The following MALRD1 variants were observed in gnomAD, a reference collection of about 807,000 sequenced individuals.
MALRD1 encodes MAM and LDL receptor class A domain containing 1.
MALRD1 carries 247 observed loss-of-function variants against 242.1 expected under a neutral mutation model. The observed-to-expected ratio is 1.02, with a 90% CI of 0.92 to 1.13. The LOEUF is 1.13. MALRD1 is among the 50% of genes most tolerant of loss of function. The probability of loss-of-function intolerance (pLI) is 0.00; values close to 1 mark genes in which losing one functional copy is unlikely to be tolerated. For synonymous variants in MALRD1, 995 were observed against 866.6 expected, an observed-to-expected ratio of 1.15 and a Z score of -2.60; for missense variants, 2,989 against 2,533.1, an observed-to-expected ratio of 1.18 and a Z score of -3.86.
intron 33 of MALRD1, among the ~76,000 whole-genome samples, chr10:19,578,055 G>A (rs10827611): frequency 0.56 from 84,416 of 151,988 alleles, 23,830 homozygotes; most frequent in African/African-American, 0.67. Context: ...GCTGGAAAGC[G>A]TCCAGACTTT....
chr10:19,115,662 G>A (rs1037073857), intron 5 of MALRD1, among the ~76,000 whole-genome samples: 1 of 151,930 alleles, frequency 6.6e-6, no homozygotes, highest in Non-Finnish European at 1.5e-5. Context: ...TATATCATGA[G>A]GTCAGGAGTT....
chr10:19,549,027 C>A (rs778722841), intron 32 of MALRD1, among the ~76,000 whole-genome samples: 1 of 152,236 alleles, frequency 6.6e-6, no homozygotes, highest in Non-Finnish European at 1.5e-5. Context: ...AGCAAAACAG[C>A]CTTAGTGCTA....
At position 19,196,536 on chromosome 10, in the gene MALRD1, GTTT is replaced by G. The variant is rs34242301; in HGVS notation, c.1952-7178_1952-7176del. Among the ~76,000 whole-genome samples the G allele has an allele frequency of 9.9e-3, 1,382 of 139,410 alleles. 29 individuals carry two copies. The highest frequency in any genetic ancestry group is 0.034 in the African/African-American group (1,271 of 37,180). The allele number at this position is 139,410 out of a possible 152,430, so 91.5% of individuals were successfully genotyped here. On this transcript the variant is annotated intron_variant, in intron 14 of 39. Transcript: ENST00000454679. ...CTCATGGCATGGGGCACCACTCTTT[GTTT>G]TTTTTTTTTTTTTCTCCTATTTTTA... is the stretch of plus-strand genomic sequence containing the variant.
chr10:19,079,806 T>G (rs2813774), intron 2 of MALRD1, among the ~76,000 whole-genome samples: 152,033 of 152,034 alleles, frequency 1, 76,016 homozygotes, highest in Middle Eastern at 1. Flanking sequence ...AGCATATTAG[T>G]CTAGGAAGAG....
At chr10:19,238,676 A>G (rs1181373289) in intron 18 of MALRD1, among the ~76,000 whole-genome samples, 2 of 144,038 alleles carry the variant, frequency 1.4e-5, no homozygotes, top group Non-Finnish European at 3.0e-5. Flanking sequence ...ATAAGAGTGC[A>G]GATATTTTTC....
intron 26 of MALRD1, among the ~76,000 whole-genome samples, chr10:19,354,377 A>T (rs1331370260): frequency 2.0e-5 from 3 of 152,156 alleles, no homozygotes; most frequent in Non-Finnish European, 4.4e-5. Context: ...TAGGAAAAAA[A>T]TGCCTTGAAT....
chr10:19,599,964 C>T (rs2131573961), intron 34 of MALRD1, among the ~76,000 whole-genome samples: 1 of 152,156 alleles, frequency 6.6e-6, no homozygotes, highest in South Asian at 2.1e-4. Flanking sequence ...TTCCAGGGCC[C>T]AGATGGGGAG....
intron 33 of MALRD1, among the ~76,000 whole-genome samples, chr10:19,585,170 T>C (rs1837324950): frequency 6.6e-6 from 1 of 152,234 alleles, no homozygotes; most frequent in South Asian, 2.1e-4. Flanking sequence ...GGGTCTTGGC[T>C]CTTTATCCAA....
chr10:19,501,650 T>C (rs1837976425), intron 31 of MALRD1, among the ~76,000 whole-genome samples: 1 of 152,100 alleles, frequency 6.6e-6, no homozygotes, highest in Admixed American at 6.5e-5. Context: ...GCATGGAGGA[T>C]AGGATAAAAG....
At chr10:19,077,839 T>C (rs937806738) in intron 2 of MALRD1, among the ~76,000 whole-genome samples, 46 of 152,022 alleles carry the variant, frequency 3.0e-4, no homozygotes, top group African/African-American at 1.0e-3. Context: ...TAGTTAAGTC[T>C]TAGTTTTTTC....
intron 36 of MALRD1, among the ~76,000 whole-genome samples, chr10:19,631,475 G>T (rs1769859585): frequency 1.3e-5 from 2 of 152,082 alleles, no homozygotes; most frequent in South Asian, 4.1e-4. Context: ...GTGTCTTTAT[G>T]GTAGGACAAT....
chr10:19,600,538 C>T (rs7898799), intron 34 of MALRD1, among the ~76,000 whole-genome samples: 77,832 of 152,062 alleles, frequency 0.51, 20,041 homozygotes, highest in Non-Finnish European at 0.53. Context: ...TAGGTGTGTG[C>T]GCCCTGAAGG....
At chr10:19,355,624 C>T (rs1564589183) in intron 26 of MALRD1, among the ~76,000 whole-genome samples, 6 of 150,598 alleles carry the variant, frequency 4.0e-5, no homozygotes, top group Admixed American at 2.0e-4. Context: ...AAGCAGATAA[C>T]AAATAAAAAT....
chr10:19,502,830 TAA>T (rs1838036839), intron 31 of MALRD1, among the ~76,000 whole-genome samples: 1 of 152,186 alleles, frequency 6.6e-6, no homozygotes, highest in African/African-American at 2.4e-5. Flanking sequence ...AGAACAAGAT[TAA>T]AGTATAGTCA....
At chr10:19,057,804 T>C (rs1055012060) in intron 1 of MALRD1, among the ~76,000 whole-genome samples, 1 of 152,096 alleles carries the variant, frequency 6.6e-6, no homozygotes, top group East Asian at 1.9e-4. Flanking sequence ...AAATGAGAGA[T>C]AAATAGCTAG....
rs1003530324 is a variant in MALRD1, at chr10:19,209,254, C to A, written c.2579-14C>A. Reference sequence around the variant, plus strand: ...CCCTAATTATCTTTTGCTTTTATTTCATGTGAATTTCAGCACCTGAGCTGC... The same window carrying A: ...CCCTAATTATCTTTTGCTTTTATTTAATGTGAATTTCAGCACCTGAGCTGC... On this transcript the variant is annotated splice_polypyrimidine_tract_variant and intron_variant, in intron 17 of 39. Coordinates refer to ENST00000454679, the MANE Select transcript of MALRD1 (RefSeq NM_001142308.3). The A allele has an allele frequency of 1.3e-6, 2 of 1,490,528 alleles. 1 individual carries two copies. The highest frequency in any genetic ancestry group is 2.7e-5 in the South Asian group (2 of 73,534). 92.3% of individuals were successfully genotyped at this position (1,490,528 alleles called of 1,614,324 possible).
intron 18 of MALRD1, among the ~76,000 whole-genome samples, chr10:19,218,228 A>G (rs1839082942): frequency 6.6e-6 from 1 of 152,198 alleles, no homozygotes; most frequent in Non-Finnish European, 1.5e-5. Context: ...CACATTTAGT[A>G]TCTAATAAAA....
At chr10:19,626,951 A>G (rs1839681269) in intron 36 of MALRD1, among the ~76,000 whole-genome samples, 1 of 152,166 alleles carries the variant, frequency 6.6e-6, no homozygotes, top group Non-Finnish European at 1.5e-5. Flanking sequence ...TTGACAATAC[A>G]GCTTGCTATA....
chr10:19,212,171 C>T (rs944229258), intron 18 of MALRD1, among the ~76,000 whole-genome samples: 3 of 152,148 alleles, frequency 2.0e-5, no homozygotes, highest in African/African-American at 7.2e-5. Flanking sequence ...ACCATCAGCA[C>T]ACAACCGAGG....
Sources: gnomAD v4.1 joint callset for allele counts (sites outside exome capture counted in the v4.1 genomes callset) on GRCh38, gnomAD v4.1.1 for gene constraint, MANE v1.5 for transcripts, NCBI Gene and HGNC (gene_info 2026-07-23, HGNC 2026-07-21) for gene names.